The following TAF2 variants were observed in gnomAD, a reference collection of about 807,000 sequenced individuals.
TAF2 encodes TATA-box binding protein associated factor 2, also known as transcription initiation factor TFIID subunit 2.
A neutral mutation model predicts 138.5 loss-of-function variants in TAF2; 61 were observed. The observed-to-expected ratio is 0.44, with a 90% CI of 0.36 to 0.54. The LOEUF (loss-of-function observed/expected upper bound fraction) is 0.54. Among genes scored for constraint, TAF2 ranks in the 20% least tolerant of loss-of-function variants. The pLI is 0.00. For synonymous variants in TAF2, 475 were observed against 469.9 expected, an observed-to-expected ratio of 1.01 and a Z score of -0.14; for missense variants, 1,090 against 1,427.9, an observed-to-expected ratio of 0.76 and a Z score of 3.81.
intron 20 of TAF2, among the ~76,000 whole-genome samples, chr8:119,759,658 T>C (rs572621619): frequency 6.6e-6 from 1 of 152,184 alleles, no homozygotes; most frequent in African/African-American, 2.4e-5. Context: ...TATTCATCAC[T>C]AGTTCTTTCA....
At chr8:119,820,584 A>G (rs371611429) in intron 2 of TAF2, among the ~76,000 whole-genome samples, 2 of 152,234 alleles carry the variant, frequency 1.3e-5, no homozygotes, top group African/African-American at 4.8e-5. Flanking sequence ...TAGGTCAGTA[A>G]TAAGTAGAGA....
Position 119,731,979 on chromosome 8 carries a change from G to T in TAF2, c.3545C>A (p.Thr1182Asn). Residue 1182 changes from threonine to asparagine, a missense_variant, in exon 26 of 26, where the codon ACT becomes AAT. This residue lies in a region of TAF2 where 580 missense variants were observed against 719.6 expected (regional missense o/e 0.81). Coordinates refer to ENST00000378164, the MANE Select transcript of TAF2 (RefSeq NM_003184.4). Reference protein sequence around the residue: ...DSKEKDKEPFTFSSPASGRSI... With the variant: ...DSKEKDKEPFNFSSPASGRSI... ...CCTGCCACTGGCAGGGCTGGAGAAAGTGAAAGGCTCCTTGTCCTTTTCTTT... is the reference window on the plus strand; with the variant it reads ...CCTGCCACTGGCAGGGCTGGAGAAATTGAAAGGCTCCTTGTCCTTTTCTTT... 1 of 1,614,226 alleles carries T rather than the reference G, an allele frequency of 6.2e-7. No homozygotes were observed. The highest frequency in any genetic ancestry group is 1.1e-5 in the South Asian group (1 of 91,090).
At chr8:119,745,756 T>C (rs541126015) in intron 23 of TAF2, among the ~76,000 whole-genome samples, 22 of 151,676 alleles carry the variant, frequency 1.5e-4, no homozygotes, top group African/African-American at 5.3e-4. Context: ...AATTTTATAA[T>C]ACAAAGGTAG....
At chr8:119,735,240 C>T (rs545220116) in intron 25 of TAF2, among the ~76,000 whole-genome samples, 21 of 152,210 alleles carry the variant, frequency 1.4e-4, no homozygotes, top group African/African-American at 4.6e-4. Flanking sequence ...TTGTCTTTTT[C>T]GTCTTTGTGT....
At chr8:119,832,394 G>A (rs1279637883) in intron 1 of TAF2, 88 bp downstream of exon 1, 1 of 1,256,666 alleles carries the variant, frequency 8.0e-7, no homozygotes, top group Non-Finnish European at 1.1e-6. Context: ...AGGTTTCCCA[G>A]GCCCACCAAG....
At chr8:119,823,078 T>A (rs1193618370) in intron 2 of TAF2, among the ~76,000 whole-genome samples, 1 of 152,204 alleles carries the variant, frequency 6.6e-6, no homozygotes, top group East Asian at 1.9e-4. Flanking sequence ...CTCCTATAAT[T>A]ACAATCTTTC....
chr8:119,772,493 T>C (rs1037284666), intron 18 of TAF2, among the ~76,000 whole-genome samples: 8 of 152,252 alleles, frequency 5.3e-5, no homozygotes, highest in African/African-American at 1.9e-4. Flanking sequence ...AATTACCTAT[T>C]GGGTACAACG....
At chr8:119,821,075 T>C (rs748399348) in intron 2 of TAF2, among the ~76,000 whole-genome samples, 16 of 152,222 alleles carry the variant, frequency 1.1e-4, no homozygotes, top group African/African-American at 1.7e-4. Flanking sequence ...GAACAGCATC[T>C]GGTTTTCTAA....
chr8:119,744,164 A>T (rs778256009), intron 24 of TAF2, 124 bp downstream of exon 24: 20 of 937,394 alleles, frequency 2.1e-5, no homozygotes, highest in Non-Finnish European at 3.2e-5. Context: ...CTACAATTTA[A>T]TATTTTAAGC....
chr8:119,824,795 G>A lies in TAF2; in HGVS notation c.139-5289C>T, dbSNP rs560692341. Among the ~76,000 whole-genome samples, 247 of 152,354 alleles carry A rather than the reference G, an allele frequency of 1.6e-3. 1 individual carries two copies. The highest frequency in any genetic ancestry group is 5.6e-3 in the African/African-American group (233 of 41,582). On this transcript the variant is annotated intron_variant, in intron 2 of 25. Transcript: ENST00000378164. Reference sequence around the variant, plus strand: ...AGCTCCCATGTGGTGGTGAGCCTGAGAGTGCAGAGAAGTCAAGAATTGAGG... The same window carrying A: ...AGCTCCCATGTGGTGGTGAGCCTGAAAGTGCAGAGAAGTCAAGAATTGAGG...
At chr8:119,808,887 G>C (rs1824849230) in intron 3 of TAF2, among the ~76,000 whole-genome samples, 1 of 152,194 alleles carries the variant, frequency 6.6e-6, no homozygotes, top group Admixed American at 6.5e-5. Flanking sequence ...TCCAGGCTCT[G>C]TTGCTTCATT....
intron 14 of TAF2, among the ~76,000 whole-genome samples, chr8:119,786,063 G>C (rs1009588327): frequency 3.3e-5 from 5 of 152,180 alleles, no homozygotes; most frequent in African/African-American, 7.2e-5. Flanking sequence ...CTATCTGAGT[G>C]AACTAAACAC....
At chr8:119,732,285 T>G in intron 25 of TAF2, 99 bp from the exon 26 acceptor site, 1 of 1,097,678 alleles carries the variant, frequency 9.1e-7, no homozygotes, top group Non-Finnish European at 1.4e-6. Context: ...GAGGGATTCC[T>G]AAGTTTTTAT....
chr8:119,759,245 A>C (rs1208435208), intron 20 of TAF2, among the ~76,000 whole-genome samples: 1 of 152,140 alleles, frequency 6.6e-6, no homozygotes, highest in South Asian at 2.1e-4. Flanking sequence ...ATAAAAAGGA[A>C]GCACAAATGA....
intron 6 of TAF2, among the ~76,000 whole-genome samples, chr8:119,798,583 A>G (rs566171873): frequency 2.0e-4 from 31 of 152,352 alleles, no homozygotes; most frequent in African/African-American, 7.2e-4. Context: ...CTTTTGGTAC[A>G]GGAAAAGAGA....
intron 25 of TAF2, among the ~76,000 whole-genome samples, chr8:119,738,456 C>T (rs1367671670): frequency 6.6e-6 from 1 of 152,140 alleles, no homozygotes; most frequent in Admixed American, 6.5e-5. Flanking sequence ...CATCTTTAGG[C>T]TAATAAAAGT....
At chr8:119,771,586 T>C (rs1448350897) in intron 18 of TAF2, among the ~76,000 whole-genome samples, 1 of 151,806 alleles carries the variant, frequency 6.6e-6, no homozygotes, top group Non-Finnish European at 1.5e-5. Flanking sequence ...CTGACAATAG[T>C]AAAGAAAGAA....
At position 119,746,399 on chromosome 8, in the gene TAF2, G is replaced by T. The variant is rs1361514393; in HGVS notation, c.3108+306C>A. ...AAAAAAAAAAAAAAAAAAAAAAAAG[G>T]TTATTCGTTTCTATCTTTTGCTACT... is the stretch of plus-strand genomic sequence containing the variant. On this transcript the variant is annotated intron_variant, in intron 23 of 25. Coordinates refer to ENST00000378164, the MANE Select transcript of TAF2 (RefSeq NM_003184.4). Among the ~76,000 whole-genome samples, 3 of 119,216 alleles carry T rather than the reference G, an allele frequency of 2.5e-5. No individual in the cohort carries two copies. The East Asian group carries it at 8.2e-4, about 33-fold the overall frequency. The allele number at this position is 119,216 out of a possible 152,430, so 78.2% of individuals were successfully genotyped here.
At chr8:119,796,772 A>C (rs1240013637) in intron 8 of TAF2, among the ~76,000 whole-genome samples, 1 of 152,096 alleles carries the variant, frequency 6.6e-6, no homozygotes, top group Non-Finnish European at 1.5e-5. Flanking sequence ...CTTTTAAATT[A>C]GCTAATTTAA....
Sources: allele counts gnomAD v4.1 joint callset (sites outside exome capture counted in the v4.1 genomes callset), GRCh38; gene constraint gnomAD v4.1.1; regional missense constraint gnomAD v4.1.1; transcripts MANE v1.5; gene names NCBI Gene and HGNC (gene_info 2026-07-23, HGNC 2026-07-21).